The following NSUN3 variants were observed in gnomAD, a reference collection of about 807,000 sequenced individuals.
The protein encoded by NSUN3 is NOP2/Sun RNA methyltransferase 3.
NSUN3 carries 24 observed loss-of-function variants against 36.8 expected under a neutral mutation model. That is an observed-to-expected ratio of 0.65 (90% CI 0.47 to 0.92). The LOEUF is 0.92. Ranked by LOEUF, NSUN3 falls within the 40% of genes least tolerant of loss-of-function variation. The pLI is 0.00. For missense variants in NSUN3, 381 were observed against 392.8 expected, an observed-to-expected ratio of 0.97 and a Z score of 0.25; for synonymous variants, 146 against 145.2, an observed-to-expected ratio of 1.01 and a Z score of -0.04.
intron 5 of NSUN3, among the ~76,000 whole-genome samples, chr3:94,105,021 A>T (rs761524510): frequency 2.6e-5 from 4 of 152,234 alleles, no homozygotes; most frequent in Non-Finnish European, 5.9e-5. Flanking sequence ...GCCAATAAGT[A>T]TAATAAGTAT....
At chr3:94,106,162 A>G (rs922572658) in intron 5 of NSUN3, among the ~76,000 whole-genome samples, 1 of 152,172 alleles carries the variant, frequency 6.6e-6, no homozygotes, top group African/African-American at 2.4e-5. Flanking sequence ...TTTATAATCT[A>G]TTTCAAAAAT....
chr3:94,079,247 A>T (rs2107243030), intron 2 of NSUN3, among the ~76,000 whole-genome samples: 1 of 152,296 alleles, frequency 6.6e-6, no homozygotes, highest in South Asian at 2.1e-4. Flanking sequence ...AGAATGTTGA[A>T]TATTGGCCCC....
Position 94,127,261 on chromosome 3 carries a change from T to A in NSUN3, c.*771T>A, listed in dbSNP as rs1373299408. ...AGTACTTGAGACAAAACCGGAATGA[T>A]TAATAACTGCAATCACTGAACTATA... On this transcript the variant is annotated 3_prime_UTR_variant, in exon 6 of 6. Transcript: ENST00000314622. 2.0e-5 allele frequency: 3 copies of A among 152,228 alleles called. No individual in the cohort carries two copies. The highest frequency in any genetic ancestry group is 4.4e-5 in the Non-Finnish European group (3 of 68,044). The allele number at this position is 152,228 out of a possible 1,614,324, so 9.4% of individuals were successfully genotyped here. A position where few individuals can be genotyped will look rare whatever the true frequency, so the allele number is the denominator to read the frequency against.
At chr3:94,092,048 C>T (rs2107253172) in intron 3 of NSUN3, among the ~76,000 whole-genome samples, 1 of 152,364 alleles carries the variant, frequency 6.6e-6, no homozygotes, top group East Asian at 1.9e-4. Flanking sequence ...GAGATCACCT[C>T]ACCTGTATGC....
In NSUN3 at chr3:94,126,423, A is replaced by C; in HGVS notation, c.956A>C (p.Lys319Thr). ...TGTGGGCTCTTAGTGATTCCAGATA[A>C]GGGCAAAGCCTGGGGCCCAATGTAT... is the stretch of plus-strand genomic sequence containing the variant. The part of the protein sequence containing the change: ...QECGLLVIPD[K>T]GKAWGPMYVA... The change falls in exon 6 of 6, where the codon AAG becomes ACG. Residue 319 changes from lysine to threonine, a missense_variant. Coordinates refer to ENST00000314622, the MANE Select transcript of NSUN3 (RefSeq NM_022072.5). The C allele has an allele frequency of 1.2e-6, 2 of 1,614,160 alleles. No homozygotes were observed. The highest frequency in any genetic ancestry group is 1.7e-6 in the Non-Finnish European group (2 of 1,179,996).
chr3:94,096,096 T>A (rs2077338234), intron 5 of NSUN3, among the ~76,000 whole-genome samples: 1 of 152,078 alleles, frequency 6.6e-6, no homozygotes, highest in Non-Finnish European at 1.5e-5. Context: ...AAAATACAAT[T>A]AAATGGTGCC....
intron 2 of NSUN3, among the ~76,000 whole-genome samples, chr3:94,065,951 C>CT (rs2077202809): frequency 6.6e-6 from 1 of 152,134 alleles, no homozygotes; most frequent in Non-Finnish European, 1.5e-5. Context: ...CCCAAGTTCA[C>CT]TCAGCTAATA....
At chr3:94,079,155 TGTAAAGG>T (rs2077258582) in intron 2 of NSUN3, among the ~76,000 whole-genome samples, 1 of 152,234 alleles carries the variant, frequency 6.6e-6, no homozygotes, top group African/African-American at 2.4e-5. Context: ...TTTACTTGCC[TGTAAAGG>T]ATTTTATTTC....
chr3:94,076,008 C>T lies in NSUN3; in HGVS notation c.123-8099C>T. 12 of 1,606,762 alleles carry T rather than the reference C, an allele frequency of 7.5e-6. No homozygotes were observed. The South Asian group carries it at 1.3e-4, about 18-fold the overall frequency. On this transcript the variant is annotated intron_variant, in intron 2 of 5. Coordinates refer to ENST00000314622, the MANE Select transcript of NSUN3 (RefSeq NM_022072.5). ...ACTTGCATGATATTGTCTTCTGATACAGAACAAATCACCCAAGGTTCATTG... is the reference window on the plus strand; with the variant it reads ...ACTTGCATGATATTGTCTTCTGATATAGAACAAATCACCCAAGGTTCATTG...
chr3:94,066,020 C>T (rs2077203055), intron 2 of NSUN3, among the ~76,000 whole-genome samples: 3 of 151,330 alleles, frequency 2.0e-5, no homozygotes, highest in Admixed American at 2.0e-4. Context: ...CACAGCTCAT[C>T]CTTGTTCTGT....
At chr3:94,083,548 A>G (rs997492619) in intron 2 of NSUN3, among the ~76,000 whole-genome samples, 6 of 152,250 alleles carry the variant, frequency 3.9e-5, no homozygotes, top group African/African-American at 1.4e-4. Context: ...TCTTGTGCAA[A>G]TATCTGATTG....
chr3:94,106,664 G>A (rs1332842792), intron 5 of NSUN3, among the ~76,000 whole-genome samples: 2 of 152,000 alleles, frequency 1.3e-5, no homozygotes, highest in African/African-American at 2.4e-5. Context: ...AATAGTGGTC[G>A]GGGTTTTTTT....
rs1476488662 is a variant in NSUN3, at chr3:94,084,314, G to GA, written c.336dup (p.Tyr113IlefsTer49). On this transcript the variant is annotated frameshift_variant, in exon 3 of 6. Transcript: ENST00000314622. LOFTEE classifies it high-confidence loss of function. The stretch of plus-strand genomic sequence containing the variant: ...CAGAAAGACACCAAATTGGAAACCT[G>GA]AAAAAATATTATCTCCTAAATGCTG... The GA allele has an allele frequency of 1.2e-6, 2 of 1,614,090 alleles. No individual in the cohort carries two copies. The highest frequency in any genetic ancestry group is 1.7e-6 in the Non-Finnish European group (2 of 1,179,992).
intron 3 of NSUN3, 165 bp downstream of exon 3, chr3:94,084,615 A>C: frequency 1.9e-6 from 1 of 523,766 alleles, no homozygotes; most frequent in East Asian, 3.0e-5. Context: ...TGAGGAAGTC[A>C]GTATAAATAA....
At chr3:94,083,331 T>C (rs1211062202) in intron 2 of NSUN3, among the ~76,000 whole-genome samples, 2 of 152,206 alleles carry the variant, frequency 1.3e-5, no homozygotes, top group African/African-American at 4.8e-5. Flanking sequence ...AGAAGAGATT[T>C]ATTGAAACTG....
chr3:94,102,130 T>C (rs2077368236), intron 5 of NSUN3, among the ~76,000 whole-genome samples: 1 of 148,162 alleles, frequency 6.7e-6, no homozygotes. Flanking sequence ...TGAAAATTTG[T>C]ATAAATCATC....
chr3:94,095,280 T>A (rs2077333072), intron 5 of NSUN3, 126 bp downstream of exon 5: 1 of 926,902 alleles, frequency 1.1e-6, no homozygotes, highest in African/African-American at 1.7e-5. Context: ...CTCCAAAGGC[T>A]ACACTCAAAA....
At chr3:94,093,472 T>C (rs1431693618) in intron 3 of NSUN3, among the ~76,000 whole-genome samples, 2 of 152,214 alleles carry the variant, frequency 1.3e-5, no homozygotes, top group African/African-American at 4.8e-5. Flanking sequence ...CACTATGATC[T>C]AGGCAAGATT....
At chr3:94,087,524 G>A (rs1377841473) in intron 3 of NSUN3, among the ~76,000 whole-genome samples, 1 of 152,182 alleles carries the variant, frequency 6.6e-6, no homozygotes, top group Non-Finnish European at 1.5e-5. Flanking sequence ...CCTGGTCTTG[G>A]CAGAAAAAGA....
Sources: allele counts gnomAD v4.1 joint callset (sites outside exome capture counted in the v4.1 genomes callset), GRCh38; gene constraint gnomAD v4.1.1; transcripts MANE v1.5; gene names NCBI Gene and HGNC (gene_info 2026-07-23, HGNC 2026-07-21).